NIPAL2: variants seen among roughly 807,000 people sequenced by gnomAD.
NIPAL2 encodes the protein NIPA like domain containing 2.
NIPAL2 carries 43 observed loss-of-function variants against 48.9 expected under a neutral mutation model. That is an observed-to-expected ratio of 0.88 (90% CI 0.69 to 1.13). NIPAL2 has a LOEUF of 1.13. Ranked by LOEUF, NIPAL2 falls within the 50% of genes most tolerant of loss-of-function variation. NIPAL2 has a pLI of 0.00. For synonymous variants in NIPAL2, 167 were observed against 174.6 expected (o/e 0.96, Z 0.34); for missense variants, 446 against 461.4 (o/e 0.97, Z 0.31).
At chr8:98,280,874 CT>C (rs916453785) in intron 1 of NIPAL2, among the ~76,000 whole-genome samples, 1 of 150,692 alleles carries the variant, frequency 6.6e-6, no homozygotes, top group Non-Finnish European at 1.5e-5. Context: ...TTGTACTACT[CT>C]TTTTTACTTT....
chr8:98,265,450 C>A (rs1162061238), intron 1 of NIPAL2, among the ~76,000 whole-genome samples: 16 of 126,462 alleles, frequency 1.3e-4, no homozygotes, highest in Non-Finnish European at 2.2e-4. Context: ...AAACAAACAA[C>A]CCCATCAAAA....
intron 1 of NIPAL2, among the ~76,000 whole-genome samples, chr8:98,280,270 A>G (rs142607855): frequency 1.6e-3 from 247 of 152,360 alleles, no homozygotes; most frequent in African/African-American, 5.5e-3. Context: ...TACATGGCAG[A>G]AAAGCACCAC....
chr8:98,286,102 G>C (rs1201007939), intron 1 of NIPAL2, among the ~76,000 whole-genome samples: 1 of 152,072 alleles, frequency 6.6e-6, no homozygotes, highest in Non-Finnish European at 1.5e-5. Flanking sequence ...GCCCTCTCTT[G>C]CTTTCTCTTG....
intron 4 of NIPAL2, among the ~76,000 whole-genome samples, chr8:98,224,592 C>T (rs904646138): frequency 4.0e-5 from 6 of 151,838 alleles, no homozygotes; most frequent in Non-Finnish European, 8.8e-5. Context: ...CATGACTGTC[C>T]CTATCAATGT....
chr8:98,244,116 G>A (rs1813138935), intron 3 of NIPAL2, among the ~76,000 whole-genome samples: 1 of 151,030 alleles, frequency 6.6e-6, no homozygotes, highest in African/African-American at 2.4e-5. Flanking sequence ...ATTCTTATCT[G>A]ATTCAGCTGG....
Position 98,191,331 on chromosome 8 carries a change from G to A in NIPAL2, c.*1647C>T, listed in dbSNP as rs898899534. 1.3e-5 allele frequency: 2 copies of A among 152,102 alleles called. No individual in the cohort carries two copies. The highest frequency in any genetic ancestry group is 2.9e-5 in the Non-Finnish European group (2 of 68,024). The allele number at this position is 152,102 out of a possible 1,614,324, so 9.4% of individuals were successfully genotyped here. On this transcript the variant is annotated 3_prime_UTR_variant, in exon 11 of 11. Coordinates refer to ENST00000430223, the MANE Select transcript of NIPAL2 (RefSeq NM_001321635.2). ...TAGGACCAATATGCTGGACCAATTC[G>A]GTAAAATACACCATAAATTATGACT...
intron 8 of NIPAL2, among the ~76,000 whole-genome samples, chr8:98,197,958 C>G (rs1031497321): frequency 1.3e-5 from 2 of 152,192 alleles, no homozygotes; most frequent in Non-Finnish European, 2.9e-5. Flanking sequence ...CCATGAATCA[C>G]AAAAGTTCTT....
intron 1 of NIPAL2, among the ~76,000 whole-genome samples, chr8:98,268,982 A>G (rs959429351): frequency 2.6e-5 from 4 of 152,226 alleles, no homozygotes; most frequent in Non-Finnish European, 5.9e-5. Context: ...AGAAGATTCC[A>G]TCTTAAGAAA....
intron 1 of NIPAL2, among the ~76,000 whole-genome samples, chr8:98,281,045 A>T (rs1162496566): frequency 6.6e-6 from 1 of 152,052 alleles, no homozygotes; most frequent in Admixed American, 6.6e-5. Flanking sequence ...CCAAGAAAAG[A>T]TGTTAAGGAG....
At chr8:98,268,296 G>A (rs185365028) in intron 1 of NIPAL2, among the ~76,000 whole-genome samples, 2 of 152,008 alleles carry the variant, frequency 1.3e-5, no homozygotes, top group Admixed American at 1.3e-4. Flanking sequence ...AACAATGTCT[G>A]GTGGCAGGTC....
At chr8:98,195,109 C>T (rs1586283053) in intron 9 of NIPAL2, among the ~76,000 whole-genome samples, 1 of 152,198 alleles carries the variant, frequency 6.6e-6, no homozygotes, top group Non-Finnish European at 1.5e-5. Flanking sequence ...TCTGCCCATG[C>T]ACGCCCAGAT....
chr8:98,264,603 A>C (rs2130861389), intron 1 of NIPAL2, among the ~76,000 whole-genome samples: 1 of 151,320 alleles, frequency 6.6e-6, no homozygotes, highest in African/African-American at 2.4e-5. Flanking sequence ...AAGGAGAACT[A>C]CAAACCCCTG....
intron 4 of NIPAL2, among the ~76,000 whole-genome samples, chr8:98,228,764 G>A (rs894723283): frequency 6.6e-6 from 1 of 152,184 alleles, no homozygotes; most frequent in Non-Finnish European, 1.5e-5. Flanking sequence ...ATAGCCTTGG[G>A]ATGATCAGGG....
At chr8:98,280,933 C>T (rs1563554139) in intron 1 of NIPAL2, among the ~76,000 whole-genome samples, 1 of 151,426 alleles carries the variant, frequency 6.6e-6, no homozygotes, top group Non-Finnish European at 1.5e-5. Flanking sequence ...AATACACCCT[C>T]CTTTGCAGGC....
At chr8:98,282,290 G>A (rs1423253477) in intron 1 of NIPAL2, among the ~76,000 whole-genome samples, 1 of 152,108 alleles carries the variant, frequency 6.6e-6, no homozygotes, top group African/African-American at 2.4e-5. Context: ...TCTGTGCCAC[G>A]GATCCGTAGG....
At chr8:98,250,524 A>G (rs1403365333) in intron 3 of NIPAL2, among the ~76,000 whole-genome samples, 2 of 152,196 alleles carry the variant, frequency 1.3e-5, no homozygotes, top group Admixed American at 6.5e-5. Flanking sequence ...ATGAACATAC[A>G]TTACTGTGTG....
intron 3 of NIPAL2, among the ~76,000 whole-genome samples, chr8:98,240,889 C>T (rs1812948876): frequency 6.6e-6 from 1 of 152,108 alleles, no homozygotes; most frequent in Admixed American, 6.5e-5. Context: ...CTGTCCAGAA[C>T]CAGCTATGGA....
At chr8:98,227,149 G>A (rs975743591) in intron 4 of NIPAL2, among the ~76,000 whole-genome samples, 2 of 152,110 alleles carry the variant, frequency 1.3e-5, no homozygotes, top group African/African-American at 4.8e-5. Flanking sequence ...CTTCAGGGAA[G>A]TGGGCTCTCC....
chr8:98,244,924 C>A (rs2130812528), intron 3 of NIPAL2, among the ~76,000 whole-genome samples: 1 of 152,256 alleles, frequency 6.6e-6, no homozygotes, highest in East Asian at 1.9e-4. Flanking sequence ...CATCCATTTT[C>A]ATTTCCTGGA....
Sources: gnomAD v4.1 joint callset for allele counts (sites outside exome capture counted in the v4.1 genomes callset) on GRCh38, gnomAD v4.1.1 for gene constraint, MANE v1.5 for transcripts, NCBI Gene and HGNC (gene_info 2026-07-23, HGNC 2026-07-21) for gene names.